Variants in TRAPPC9 observed in about 807,000 individuals in gnomAD.
TRAPPC9 encodes the protein IKK2 binding protein.
In TRAPPC9, 83 loss-of-function variants were observed where a neutral mutation model predicts 124.0. The ratio of observed to expected loss-of-function variants is 0.67; its 90% confidence interval spans 0.56 to 0.80. TRAPPC9 has a LOEUF of 0.80. Among genes scored for constraint, TRAPPC9 ranks in the 30% least tolerant of loss-of-function variants. The probability of loss-of-function intolerance (pLI) is 0.00; values close to 1 mark genes in which losing one functional copy is unlikely to be tolerated. For synonymous variants in TRAPPC9, 638 were observed against 617.5 expected (o/e 1.03, Z -0.49); for missense variants, 1,302 against 1,508.3 (o/e 0.86, Z 2.27).
At chr8:140,082,965 C>T (rs145106231) in intron 17 of TRAPPC9, among the ~76,000 whole-genome samples, 1 of 152,116 alleles carries the variant, frequency 6.6e-6, no homozygotes, top group Non-Finnish European at 1.5e-5. Context: ...GTGGCCGAGG[C>T]AGGTGGATCA....
intron 2 of TRAPPC9, among the ~76,000 whole-genome samples, chr8:140,441,368 A>G (rs888765196): frequency 6.6e-6 from 1 of 152,122 alleles, no homozygotes; most frequent in Non-Finnish European, 1.5e-5. Context: ...CCAAATGGAC[A>G]TTTTCCTCCA....
chr8:140,109,764 TA>T (rs980975883), intron 17 of TRAPPC9, among the ~76,000 whole-genome samples: 2 of 152,116 alleles, frequency 1.3e-5, no homozygotes, highest in Admixed American at 6.5e-5. Flanking sequence ...TGCCAACCAA[TA>T]ACCTCTCCCA....
chr8:139,949,068 A>T (rs1834464925), intron 19 of TRAPPC9, among the ~76,000 whole-genome samples: 1 of 152,090 alleles, frequency 6.6e-6, no homozygotes, highest in African/African-American at 2.4e-5. Flanking sequence ...GTGAGACTCC[A>T]TCTCAAAAAA....
intron 7 of TRAPPC9, among the ~76,000 whole-genome samples, chr8:140,392,327 TTCAGCTTATCCGATA>T (rs2068950668): frequency 6.6e-6 from 1 of 152,350 alleles, no homozygotes; most frequent in South Asian, 2.1e-4. Flanking sequence ...ATCAATGAGT[TTCAGCTTATCCGATA>T]ATGGAGAGGT....
chr8:139,816,769 G>A (rs1024780026), intron 21 of TRAPPC9, among the ~76,000 whole-genome samples: 5 of 152,126 alleles, frequency 3.3e-5, no homozygotes, highest in South Asian at 2.1e-4. Context: ...CCTGTGCTTC[G>A]TGGATAAGGA....
chr8:140,154,789 C>T (rs146168345), intron 17 of TRAPPC9, among the ~76,000 whole-genome samples: 3 of 152,274 alleles, frequency 2.0e-5, no homozygotes, highest in East Asian at 3.9e-4. Flanking sequence ...AGACTATAAA[C>T]CCATGGAAGA....
Position 140,296,007 on chromosome 8 carries a change from TAC to T in TRAPPC9, c.1768+4460_1768+4461del, listed in dbSNP as rs200170714. Among the ~76,000 whole-genome samples, 8 of 152,294 alleles carry T rather than the reference TAC, an allele frequency of 5.3e-5. No homozygotes were observed. The East Asian group carries it at 1.5e-3, about 29-fold the overall frequency. ...TACTTCTTACTATGGTGAGAAGCCA[TAC>T]TATAAAGAAAAAAGGCCCTGGGCAT... is the stretch of plus-strand genomic sequence containing the variant. On this transcript the variant is annotated intron_variant, in intron 11 of 22. Coordinates refer to ENST00000438773, the MANE Select transcript of TRAPPC9 (RefSeq NM_001160372.4).
At chr8:139,963,454 T>C (rs1021246617) in intron 19 of TRAPPC9, among the ~76,000 whole-genome samples, 1 of 152,166 alleles carries the variant, frequency 6.6e-6, no homozygotes, top group Non-Finnish European at 1.5e-5. Flanking sequence ...TTTCATTTCA[T>C]CCTTATTCCC....
At chr8:140,304,398 A>G (rs2066066756) in intron 10 of TRAPPC9, among the ~76,000 whole-genome samples, 1 of 150,378 alleles carries the variant, frequency 6.6e-6, no homozygotes, top group South Asian at 2.1e-4. Flanking sequence ...CCCAGCCCCA[A>G]TTTTTTTTTT....
intron 17 of TRAPPC9, among the ~76,000 whole-genome samples, chr8:140,140,793 C>G (rs1415508661): frequency 6.6e-6 from 1 of 152,126 alleles, no homozygotes; most frequent in Non-Finnish European, 1.5e-5. Context: ...AGTGGTCAAG[C>G]GCCATGTTAT....
intron 17 of TRAPPC9, among the ~76,000 whole-genome samples, chr8:140,074,849 G>C (rs529196445): frequency 6.6e-6 from 1 of 152,132 alleles, no homozygotes; most frequent in African/African-American, 2.4e-5. Flanking sequence ...CAGGGACTAC[G>C]GGACCACAGC....
intron 1 of TRAPPC9, among the ~76,000 whole-genome samples, chr8:140,453,228 T>C (rs1467514484): frequency 4.6e-5 from 7 of 152,180 alleles, no homozygotes; most frequent in African/African-American, 1.4e-4. Flanking sequence ...ATGGTCCCCA[T>C]GGCCAGAGGC....
At chr8:140,356,235 A>G (rs573034151) in intron 9 of TRAPPC9, among the ~76,000 whole-genome samples, 5 of 152,344 alleles carry the variant, frequency 3.3e-5, no homozygotes, top group Middle Eastern at 3.4e-3. Flanking sequence ...AGAGAGCCCT[A>G]TGTGCTCGTC....
In TRAPPC9 at chr8:139,766,574, G is replaced by A. The variant is rs573362448; in HGVS notation, c.3056-34372C>T. ...CCAGGGGCTCTGGAATCAGACCTGT[G>A]TTCAGATCAGGACCTGGGAGTGCAC... On this transcript the variant is annotated intron_variant, in intron 21 of 22. Coordinates refer to ENST00000438773, the MANE Select transcript of TRAPPC9 (RefSeq NM_001160372.4). 2.6e-5 allele frequency among the ~76,000 whole-genome samples: 4 copies of A among 152,332 alleles called. No individual in the cohort carries two copies. The East Asian group carries it at 5.8e-4, about 22-fold the overall frequency.
At chr8:140,282,011 T>C (rs2065338175) in intron 14 of TRAPPC9, among the ~76,000 whole-genome samples, 1 of 152,156 alleles carries the variant, frequency 6.6e-6, no homozygotes, top group Non-Finnish European at 1.5e-5. Flanking sequence ...ATTTCTCCAC[T>C]TGACAGAACT....
At chr8:140,379,728 C>CA (rs1206126474) in intron 7 of TRAPPC9, among the ~76,000 whole-genome samples, 4 of 151,930 alleles carry the variant, frequency 2.6e-5, no homozygotes, top group Non-Finnish European at 5.9e-5. Context: ...GGGATGAAGC[C>CA]AAAAAATGAG....
intron 21 of TRAPPC9, among the ~76,000 whole-genome samples, chr8:139,767,072 G>A (rs1398171762): frequency 2.6e-5 from 4 of 152,202 alleles, no homozygotes; most frequent in African/African-American, 9.6e-5. Flanking sequence ...GGACGCCAAC[G>A]AGGACCCTGA....
intron 2 of TRAPPC9, among the ~76,000 whole-genome samples, chr8:140,448,165 A>T (rs1432430044): frequency 6.6e-6 from 1 of 151,872 alleles, no homozygotes; most frequent in Admixed American, 6.6e-5. Flanking sequence ...AAAAAAAAAA[A>T]AATTAGAGAA....
At chr8:139,734,870 T>C (rs893293866) in intron 21 of TRAPPC9, among the ~76,000 whole-genome samples, 19 of 152,268 alleles carry the variant, frequency 1.2e-4, no homozygotes, top group Admixed American at 9.2e-4. Context: ...GAAGGCTTCC[T>C]GGAGGAAAGG....
Sources: allele counts gnomAD v4.1 joint callset (sites outside exome capture counted in the v4.1 genomes callset), GRCh38; gene constraint gnomAD v4.1.1; transcripts MANE v1.5; gene names NCBI Gene and HGNC (gene_info 2026-07-23, HGNC 2026-07-21).